Variants in MAGI1 observed in about 807,000 individuals in gnomAD.
MAGI1 encodes the protein membrane-associated guanylate kinase, WW and PDZ domain-containing protein 1.
In MAGI1, 58 loss-of-function variants were observed where a neutral mutation model predicts 139.9. That is an observed-to-expected ratio of 0.41 (90% CI 0.34 to 0.52). The LOEUF (loss-of-function observed/expected upper bound fraction) is 0.52. MAGI1 is among the 20% of genes least tolerant of loss of function. The pLI is 0.12. For missense variants in MAGI1, 1,874 were observed against 1,901.6 expected (o/e 0.99, Z 0.27); for synonymous variants, 812 against 737.9 (o/e 1.10, Z -1.63).
intron 1 of MAGI1, among the ~76,000 whole-genome samples, chr3:65,868,223 A>G (rs1575769677): frequency 2.0e-5 from 3 of 152,220 alleles, no homozygotes; most frequent in African/African-American, 4.8e-5. Context: ...GCAAAACCTC[A>G]AATGATCCTG....
chr3:65,439,051 G>A (rs1339739162), intron 9 of MAGI1, among the ~76,000 whole-genome samples: 3 of 152,110 alleles, frequency 2.0e-5, no homozygotes, highest in Non-Finnish European at 4.4e-5. Flanking sequence ...ATATTATATT[G>A]ATGGGAGTAT....
intron 1 of MAGI1, among the ~76,000 whole-genome samples, chr3:65,674,248 T>C (rs1005922022): frequency 1.3e-5 from 2 of 152,150 alleles, no homozygotes; most frequent in African/African-American, 4.8e-5. Context: ...ATTTTGGATG[T>C]TGGACAAGCC....
chr3:65,576,449 C>T (rs1438559799), intron 2 of MAGI1, among the ~76,000 whole-genome samples: 1 of 152,184 alleles, frequency 6.6e-6, no homozygotes, highest in Non-Finnish European at 1.5e-5. Context: ...AAGATTCCAG[C>T]TCTAACAGGC....
chr3:65,395,636 C>CAAAA (rs58806140), intron 13 of MAGI1, among the ~76,000 whole-genome samples: 1,221 of 19,154 alleles, frequency 0.064, 235 homozygotes, highest in Middle Eastern at 0.25. Flanking sequence ...GACTCCATCT[C>CAAAA]AAAAAAAAAA....
Position 65,399,998 on chromosome 3 carries a change from G to A in MAGI1, c.2199+1441C>T, listed in dbSNP as rs143340316. Among the ~76,000 whole-genome samples the A allele has an allele frequency of 1.6e-4, 25 of 152,254 alleles. No individual in the cohort carries two copies. In the East Asian group the frequency reaches 4.8e-3, roughly 29 times the overall value. Reference sequence around the variant, plus strand: ...TAAAATAAGCCCATGTATCAACATAGCATGGCTGGGGTTGGGGAGAAAAAA... The same window carrying A: ...TAAAATAAGCCCATGTATCAACATAACATGGCTGGGGTTGGGGAGAAAAAA... On this transcript the variant is annotated intron_variant, in intron 13 of 22. Coordinates refer to ENST00000402939, the MANE Select transcript of MAGI1 (RefSeq NM_001033057.2).
At chr3:65,594,787 C>T (rs951732717) in intron 2 of MAGI1, among the ~76,000 whole-genome samples, 1 of 152,110 alleles carries the variant, frequency 6.6e-6, no homozygotes, top group East Asian at 1.9e-4. Context: ...CTGCAGTATT[C>T]TGATGGGGGG....
intron 1 of MAGI1, among the ~76,000 whole-genome samples, chr3:65,634,021 C>T (rs1251718746): frequency 6.6e-6 from 1 of 152,182 alleles, no homozygotes; most frequent in African/African-American, 2.4e-5. Flanking sequence ...TGATTAAGTA[C>T]TTTCAATGAG....
chr3:65,554,256 A>C lies in MAGI1; in HGVS notation c.431-60625T>G, dbSNP rs547399157. 2.6e-5 allele frequency among the ~76,000 whole-genome samples: 4 copies of C among 152,322 alleles called. No homozygotes were observed. The South Asian group carries it at 8.3e-4, about 32-fold the overall frequency. ...ATATAGAGTCATGCAGTGCTTGCTA[A>C]ATATTAGCAAATATAACAGTAATAA... On this transcript the variant is annotated intron_variant, in intron 2 of 22. Transcript: ENST00000402939.
At chr3:65,523,701 A>G (rs2078261556) in intron 2 of MAGI1, among the ~76,000 whole-genome samples, 1 of 152,210 alleles carries the variant, frequency 6.6e-6, no homozygotes, top group Admixed American at 6.5e-5. Flanking sequence ...TATGTAAGTT[A>G]GAACTCAACT....
chr3:65,893,736 C>T (rs921301482), intron 1 of MAGI1: 1 of 152,170 alleles, frequency 6.6e-6, no homozygotes, highest in Non-Finnish European at 1.5e-5. Context: ...AATAAATCAT[C>T]CCAAAATATA....
intron 1 of MAGI1, chr3:65,719,840 C>T (rs2032790637): frequency 6.6e-6 from 1 of 152,224 alleles, no homozygotes; most frequent in African/African-American, 2.4e-5. Context: ...AGTCACTGCA[C>T]CTGGCCCATC....
chr3:65,506,210 C>T (rs2077281740), intron 2 of MAGI1, among the ~76,000 whole-genome samples: 1 of 152,092 alleles, frequency 6.6e-6, no homozygotes, highest in Non-Finnish European at 1.5e-5. Context: ...TCTTGGTTTC[C>T]TCATCTCTAA....
intron 1 of MAGI1, among the ~76,000 whole-genome samples, chr3:65,949,518 T>C (rs986917626): frequency 5.3e-5 from 8 of 152,226 alleles, no homozygotes; most frequent in Admixed American, 2.6e-4. Flanking sequence ...CTTTTTATTG[T>C]TGGTCACAAG....
chr3:65,978,460 C>G (rs1168893934), intron 1 of MAGI1, among the ~76,000 whole-genome samples: 1 of 152,042 alleles, frequency 6.6e-6, no homozygotes, highest in Non-Finnish European at 1.5e-5. Context: ...GGGGAGGGAG[C>G]TGACTGTCTC....
At chr3:65,442,693 T>C in intron 8 of MAGI1, 99 bp downstream of exon 8, 2 of 721,984 alleles carry the variant, frequency 2.8e-6, no homozygotes, top group East Asian at 2.6e-5. Flanking sequence ...TATTGTTAAT[T>C]GGTTTGTGCC....
At chr3:65,593,274 T>TTATA (rs1220206842) in intron 2 of MAGI1, among the ~76,000 whole-genome samples, 1 of 152,216 alleles carries the variant, frequency 6.6e-6, no homozygotes, top group Non-Finnish European at 1.5e-5. Context: ...ACTTACTGTC[T>TTATA]TATAGCCAAG....
chr3:65,796,545 G>A lies in MAGI1; in HGVS notation c.314-174457C>T, dbSNP rs559798949. ...AACGGACACACTGGCTCCCACAGCG[G>A]TTGGTCTCTGACATCAGCTATATCT... On this transcript the variant is annotated intron_variant, in intron 1 of 22. Coordinates refer to ENST00000402939, the MANE Select transcript of MAGI1 (RefSeq NM_001033057.2). 3.9e-5 allele frequency among the ~76,000 whole-genome samples: 6 copies of A among 152,288 alleles called. No homozygotes were observed. The South Asian group carries it at 1.0e-3, about 26-fold the overall frequency.
chr3:65,520,884 A>G (rs1202828123), intron 2 of MAGI1, among the ~76,000 whole-genome samples: 1 of 152,216 alleles, frequency 6.6e-6, no homozygotes, highest in Admixed American at 6.5e-5. Context: ...ACCAACCCTC[A>G]GCAAAATAGC....
intron 1 of MAGI1, among the ~76,000 whole-genome samples, chr3:65,829,410 C>T (rs530349062): frequency 8.5e-5 from 13 of 152,186 alleles, no homozygotes; most frequent in Non-Finnish European, 1.3e-4. Context: ...ATCAGGGCTC[C>T]GCTCTCACGA....
Sources: gnomAD v4.1 joint callset for allele counts (sites outside exome capture counted in the v4.1 genomes callset) on GRCh38, gnomAD v4.1.1 for gene constraint, MANE v1.5 for transcripts, NCBI Gene and HGNC (gene_info 2026-07-23, HGNC 2026-07-21) for gene names.